KCNH8: variants seen among roughly 807,000 people sequenced by gnomAD.
KCNH8 encodes voltage-gated delayed rectifier potassium channel KCNH8.
Under a neutral mutation model 103.6 loss-of-function variants are expected in KCNH8, and 70 were observed. The ratio of observed to expected loss-of-function variants is 0.68; its 90% CI spans 0.56 to 0.82. The LOEUF is 0.82. Ranked by LOEUF, KCNH8 falls within the 40% of genes least tolerant of loss-of-function variation. The probability of loss-of-function intolerance (pLI) is 0.00; values close to 1 mark genes in which losing one functional copy is unlikely to be tolerated. For missense variants in KCNH8, 1,217 were observed against 1,329.9 expected (o/e 0.92, Z 1.32); for synonymous variants, 498 against 489.4 (o/e 1.02, Z -0.23).
chr3:19,404,377 C>A (rs2066660718), intron 7 of KCNH8, among the ~76,000 whole-genome samples: 1 of 151,922 alleles, frequency 6.6e-6, no homozygotes, highest in African/African-American at 2.4e-5. Context: ...GTGCCTTGGA[C>A]CTAGATTTTA....
At chr3:19,335,425 G>GTT (rs1436755969) in intron 3 of KCNH8, among the ~76,000 whole-genome samples, 2 of 71,896 alleles carry the variant, frequency 2.8e-5, no homozygotes, top group Admixed American at 1.2e-4. Context: ...GTATATGTGT[G>GTT]TGTATATATA....
chr3:19,235,098 C>T (rs1458688145), intron 1 of KCNH8, among the ~76,000 whole-genome samples: 3 of 152,096 alleles, frequency 2.0e-5, no homozygotes, highest in Non-Finnish European at 4.4e-5. Context: ...AGAAATGTGC[C>T]ATAGGAACTT....
intron 2 of KCNH8, among the ~76,000 whole-genome samples, chr3:19,278,226 A>G (rs1471683829): frequency 6.6e-6 from 1 of 152,144 alleles, no homozygotes; most frequent in Non-Finnish European, 1.5e-5. Context: ...AGAGTCTTGC[A>G]TTGAACATGA....
chr3:19,224,559 C>T (rs1317711341), intron 1 of KCNH8, among the ~76,000 whole-genome samples: 8 of 129,468 alleles, frequency 6.2e-5, no homozygotes, highest in African/African-American at 2.0e-4. Flanking sequence ...TTGTTTTGAA[C>T]TTTTTTTTTT....
intron 1 of KCNH8, among the ~76,000 whole-genome samples, chr3:19,215,394 C>T (rs759148412): frequency 1.3e-5 from 2 of 152,198 alleles, no homozygotes; most frequent in Non-Finnish European, 2.9e-5. Flanking sequence ...CCTGGGAGAA[C>T]CATGAGGACC....
intron 3 of KCNH8, among the ~76,000 whole-genome samples, chr3:19,289,361 T>C (rs1314017889): frequency 2.0e-5 from 3 of 152,202 alleles, no homozygotes; most frequent in African/African-American, 7.2e-5. Flanking sequence ...TGGTTTTAGG[T>C]CTAACATTTA....
chr3:19,303,364 G>C (rs553049835), intron 3 of KCNH8, among the ~76,000 whole-genome samples: 2 of 152,226 alleles, frequency 1.3e-5, no homozygotes, highest in African/African-American at 4.8e-5. Context: ...TTTAGAAGCT[G>C]AAAAGCAAAC....
At chr3:19,387,231 T>C (rs1261793795) in intron 5 of KCNH8, among the ~76,000 whole-genome samples, 1 of 152,190 alleles carries the variant, frequency 6.6e-6, no homozygotes, top group Non-Finnish European at 1.5e-5. Context: ...CTGCTGATGC[T>C]GAATTTGATC....
chr3:19,169,262 T>C (rs1323532556), intron 1 of KCNH8, among the ~76,000 whole-genome samples: 3 of 146,950 alleles, frequency 2.0e-5, no homozygotes, highest in African/African-American at 5.0e-5. Flanking sequence ...TTTCTTTTTT[T>C]TTTTTTTTTT....
At chr3:19,326,062 T>G (rs993589236) in intron 3 of KCNH8, among the ~76,000 whole-genome samples, 2 of 152,130 alleles carry the variant, frequency 1.3e-5, no homozygotes, top group African/African-American at 4.8e-5. Context: ...GAGGCCATTA[T>G]TCTTAGCAAA....
chr3:19,486,446 T>G (rs1012859509), intron 11 of KCNH8, among the ~76,000 whole-genome samples: 8 of 152,232 alleles, frequency 5.3e-5, no homozygotes, highest in African/African-American at 1.4e-4. Flanking sequence ...TTTATCTGCT[T>G]CTTGTGCTAA....
At chr3:19,265,265 C>G (rs753155393) in intron 2 of KCNH8, among the ~76,000 whole-genome samples, 1 of 152,012 alleles carries the variant, frequency 6.6e-6, no homozygotes, top group Non-Finnish European at 1.5e-5. Context: ...AATGAGATAA[C>G]CACTTTTCAG....
At chr3:19,260,411 G>C (rs1276231510) in intron 2 of KCNH8, among the ~76,000 whole-genome samples, 2 of 146,278 alleles carry the variant, frequency 1.4e-5, no homozygotes, top group African/African-American at 5.0e-5. Context: ...ATTCATGACA[G>C]ATAATTACAG....
chr3:19,237,008 G>C (rs553888933), intron 1 of KCNH8, among the ~76,000 whole-genome samples: 2 of 152,298 alleles, frequency 1.3e-5, no homozygotes, highest in East Asian at 3.9e-4. Flanking sequence ...AGTATAAAAT[G>C]GTATGAGATT....
At chr3:19,179,122 A>T (rs2063427683) in intron 1 of KCNH8, among the ~76,000 whole-genome samples, 1 of 151,816 alleles carries the variant, frequency 6.6e-6, no homozygotes, top group African/African-American at 2.4e-5. Flanking sequence ...AGAATTCTTT[A>T]GTTTTTGTAG....
rs928584665 is a variant in KCNH8 at position 19,202,645 on chromosome 3, G to A, written c.77-51009G>A. 1.4e-4 allele frequency among the ~76,000 whole-genome samples: 21 copies of A among 152,118 alleles called. 1 individual carries two copies. The highest frequency in any genetic ancestry group is 1.3e-4 in the Admixed American group (2 of 15,244). On this transcript the variant is annotated intron_variant, in intron 1 of 15. Coordinates refer to ENST00000328405, the MANE Select transcript of KCNH8 (RefSeq NM_144633.3). The stretch of plus-strand genomic sequence containing the variant: ...ATGGGAAGTATGTATGGAAAAGAGA[G>A]GATGCACAGTCCTGTTCTATAGAGA...
intron 2 of KCNH8, among the ~76,000 whole-genome samples, chr3:19,271,983 C>A (rs1467419514): frequency 6.6e-6 from 1 of 151,980 alleles, no homozygotes; most frequent in Non-Finnish European, 1.5e-5. Context: ...CTTATCAAAT[C>A]AAATAAATTA....
At chr3:19,519,914 A>G (rs75098037) in intron 15 of KCNH8, among the ~76,000 whole-genome samples, 2 of 151,638 alleles carry the variant, frequency 1.3e-5, no homozygotes. Flanking sequence ...CTATATGTTC[A>G]CCTTTAGGAA....
chr3:19,198,501 C>G (rs1424771410), intron 1 of KCNH8, among the ~76,000 whole-genome samples: 1 of 152,074 alleles, frequency 6.6e-6, no homozygotes, highest in African/African-American at 2.4e-5. Flanking sequence ...GATTTGGACC[C>G]TTTCCTACAG....
Sources: gnomAD v4.1 joint callset for allele counts (sites outside exome capture counted in the v4.1 genomes callset) on GRCh38, gnomAD v4.1.1 for gene constraint, MANE v1.5 for transcripts, NCBI Gene and HGNC (gene_info 2026-07-23, HGNC 2026-07-21) for gene names.